The following RANBP17 variants were observed in gnomAD, a reference collection of about 807,000 sequenced individuals.
The protein encoded by RANBP17 is ran-binding protein 17.
A neutral mutation model predicts 141.2 loss-of-function variants in RANBP17; 158 were observed. The observed-to-expected ratio is 1.12, with a 90% CI of 0.98 to 1.28. The LOEUF is 1.28. RANBP17 is among the 50% of genes most tolerant of loss of function. The pLI, the probability that RANBP17 is intolerant of heterozygous loss-of-function variation, is 0.00. For missense variants in RANBP17, 1,438 were observed against 1,290.7 expected (o/e 1.11, Z -1.75); for synonymous variants, 430 against 450.0 (o/e 0.96, Z 0.56).
chr5:170,874,188 T>C (rs1767979309), intron 1 of RANBP17, among the ~76,000 whole-genome samples: 1 of 152,096 alleles, frequency 6.6e-6, no homozygotes, highest in Non-Finnish European at 1.5e-5. Flanking sequence ...TACTTTGCAC[T>C]GTGGTCAGTG....
intron 20 of RANBP17, 173 bp downstream of exon 20, chr5:171,205,785 G>C (rs570508861): frequency 1.7e-5 from 12 of 699,424 alleles, no homozygotes; most frequent in South Asian, 3.0e-5. Flanking sequence ...ACTGAGCACA[G>C]TATTTGGAGA....
chr5:170,999,603 G>T (rs144480625), intron 14 of RANBP17, among the ~76,000 whole-genome samples: 3 of 152,016 alleles, frequency 2.0e-5, no homozygotes, highest in African/African-American at 7.3e-5. Flanking sequence ...TTGTTTTTAC[G>T]TGCTTAGAAA....
intron 1 of RANBP17, among the ~76,000 whole-genome samples, chr5:170,867,764 A>G (rs1767380863): frequency 6.6e-6 from 1 of 152,254 alleles, no homozygotes; most frequent in African/African-American, 2.4e-5. Flanking sequence ...AGTACAATTG[A>G]TAATAAAATG....
At position 170,941,836 on chromosome 5, in the gene RANBP17, G is replaced by T. The variant is rs79891011; in HGVS notation, c.1469-11761G>T. ...TATAAAGTGGAATCAGTTGGAAATGGAATAGAAATGAATTTGGTGTAGTCT... is the reference window on the plus strand; with the variant it reads ...TATAAAGTGGAATCAGTTGGAAATGTAATAGAAATGAATTTGGTGTAGTCT... On this transcript the variant is annotated intron_variant, in intron 12 of 27. Coordinates refer to ENST00000523189, the MANE Select transcript of RANBP17 (RefSeq NM_022897.5). Among the ~76,000 whole-genome samples the T allele has an allele frequency of 4.8e-3, 727 of 152,270 alleles. 19 individuals are homozygous for T. Among genetic ancestry groups the T allele is most frequent in the Admixed American group, 0.038 (586 of 15,290 alleles).
At chr5:171,040,481 T>A (rs748120262) in intron 14 of RANBP17, among the ~76,000 whole-genome samples, 8 of 152,204 alleles carry the variant, frequency 5.3e-5, no homozygotes, top group Non-Finnish European at 1.0e-4. Flanking sequence ...GCTCTTCCAA[T>A]GTAGTATATG....
intron 24 of RANBP17, chr5:171,251,791 G>A (rs1765583035): frequency 1.7e-6 from 2 of 1,161,510 alleles, no homozygotes; most frequent in East Asian, 4.7e-5. Flanking sequence ...CTGTGATTGG[G>A]TGGAAGATGG....
intron 14 of RANBP17, among the ~76,000 whole-genome samples, chr5:170,973,856 C>T (rs1777167386): frequency 1.3e-5 from 2 of 152,172 alleles, no homozygotes; most frequent in African/African-American, 4.8e-5. Flanking sequence ...GGAAAGGGCA[C>T]ACAAACTCTC....
At chr5:171,225,061 G>A (rs779589342) in intron 22 of RANBP17, among the ~76,000 whole-genome samples, 12 of 152,136 alleles carry the variant, frequency 7.9e-5, no homozygotes, top group Admixed American at 7.9e-4. Flanking sequence ...TTACTGTTGT[G>A]AAGAAATTGA....
chr5:171,237,057 A>G (rs906994848), intron 22 of RANBP17, among the ~76,000 whole-genome samples: 2 of 152,184 alleles, frequency 1.3e-5, no homozygotes, highest in African/African-American at 4.8e-5. Context: ...GATGGGTCTC[A>G]GGAGAAAAAA....
At chr5:171,144,557 C>A (rs1757915370) in intron 14 of RANBP17, among the ~76,000 whole-genome samples, 1 of 152,130 alleles carries the variant, frequency 6.6e-6, no homozygotes. Flanking sequence ...GCCTCTTTCA[C>A]TTATTGATGG....
intron 14 of RANBP17, among the ~76,000 whole-genome samples, chr5:171,133,601 C>T (rs914319671): frequency 6.6e-6 from 1 of 151,980 alleles, no homozygotes; most frequent in Admixed American, 6.6e-5. Flanking sequence ...TACATTTTTG[C>T]AGAATTTTCA....
At chr5:170,986,926 A>G (rs1363736172) in intron 14 of RANBP17, among the ~76,000 whole-genome samples, 1 of 151,842 alleles carries the variant, frequency 6.6e-6, no homozygotes, top group African/African-American at 2.4e-5. Flanking sequence ...GACTACTACA[A>G]CTTTAAGTGC....
rs569656264 is a variant in RANBP17, at chr5:170,862,026, C to G, written c.-8C>G. ...CCGGCCGGCTGGCCGGCGCCGCCTC[C>G]TGGGAAGATGGCGCTGCACTTCCAG... On this transcript the variant is annotated 5_prime_UTR_variant, in exon 1 of 28. Coordinates refer to ENST00000523189, the MANE Select transcript of RANBP17 (RefSeq NM_022897.5). The G allele has an allele frequency of 4.8e-6, 7 of 1,460,598 alleles. No individual in the cohort carries two copies. Among genetic ancestry groups the G allele is most frequent in the Non-Finnish European group, 5.4e-6 (6 of 1,113,148 alleles). The allele number at this position is 1,460,598 out of a possible 1,614,324, so 90.5% of individuals were successfully genotyped here.
chr5:171,026,129 C>T (rs1331874106), intron 14 of RANBP17, among the ~76,000 whole-genome samples: 1 of 152,120 alleles, frequency 6.6e-6, no homozygotes, highest in Non-Finnish European at 1.5e-5. Context: ...TATTATTTCT[C>T]TTTGGGAGGC....
chr5:171,222,907 G>A (rs1487481303), intron 22 of RANBP17, among the ~76,000 whole-genome samples: 1 of 152,150 alleles, frequency 6.6e-6, no homozygotes, highest in Non-Finnish European at 1.5e-5. Flanking sequence ...GGGATTACAG[G>A]CATGAGCCAC....
chr5:171,261,245 C>T (rs2128015239), intron 24 of RANBP17, among the ~76,000 whole-genome samples: 1 of 152,132 alleles, frequency 6.6e-6, no homozygotes, highest in East Asian at 1.9e-4. Context: ...ATCTTAATGC[C>T]AAACCTTACA....
chr5:171,186,952 T>C (rs920137369), intron 18 of RANBP17, among the ~76,000 whole-genome samples: 4 of 152,210 alleles, frequency 2.6e-5, no homozygotes, highest in Non-Finnish European at 4.4e-5. Context: ...CCTGGCTAAC[T>C]GGTGCAGGAG....
In RANBP17 at chr5:170,994,249, G is replaced by GCT. The variant is rs1778684441; in HGVS notation, c.1710+25872_1710+25873insCT. On this transcript the variant is annotated intron_variant, in intron 14 of 27. Transcript: ENST00000523189. ...TTGTTTCACCTGTTTATCTAATCAAGTTCGGATATAGAAAGGAAAATTATT... is the reference window on the plus strand; with the variant it reads ...TTGTTTCACCTGTTTATCTAATCAAGCTTTCGGATATAGAAAGGAAAATTATT... Among the ~76,000 whole-genome samples the GCT allele has an allele frequency of 2.0e-5, 3 of 151,956 alleles. No homozygotes were observed. In the South Asian group the frequency reaches 6.2e-4, roughly 31 times the overall value.
intron 24 of RANBP17, among the ~76,000 whole-genome samples, chr5:171,244,396 G>A (rs1765083702): frequency 6.6e-6 from 1 of 151,988 alleles, no homozygotes. Context: ...AAAAGGAACT[G>A]TATTTGTTTT....
Sources: gnomAD v4.1 joint callset for allele counts (sites outside exome capture counted in the v4.1 genomes callset) on GRCh38, gnomAD v4.1.1 for gene constraint, MANE v1.5 for transcripts, NCBI Gene and HGNC (gene_info 2026-07-23, HGNC 2026-07-21) for gene names.